Variants in C6 observed in about 807,000 individuals in gnomAD.
C6 encodes the protein complement component C6.
In C6, 101 loss-of-function variants were observed where a neutral mutation model predicts 112.9. The ratio of observed to expected loss-of-function variants is 0.89; its 90% CI spans 0.76 to 1.06. The LOEUF (loss-of-function observed/expected upper bound fraction) is 1.06. Among genes scored for constraint, C6 ranks in the 50% least tolerant of loss-of-function variants. The pLI is 0.00. For synonymous variants in C6, 431 were observed against 384.1 expected, an observed-to-expected ratio of 1.12 and a Z score of -1.43; for missense variants, 1,202 against 1,104.6, an observed-to-expected ratio of 1.09 and a Z score of -1.25.
At chr5:41,157,678 C>A (rs547091613) in intron 13 of C6, among the ~76,000 whole-genome samples, 1 of 152,080 alleles carries the variant, frequency 6.6e-6, no homozygotes, top group African/African-American at 2.4e-5. Context: ...ATCCATATTA[C>A]CTAGGAATGT....
chr5:41,154,135 GA>G (rs1746674791), intron 14 of C6, 137 bp from the exon 15 acceptor site: 3 of 724,738 alleles, frequency 4.1e-6, no homozygotes, highest in Non-Finnish European at 7.3e-6. Context: ...CTTTTGATCA[GA>G]AAACCTGGGG....
chr5:41,214,086 G>T (rs557316561), upstream of C6, among the ~76,000 whole-genome samples: 5 of 152,088 alleles, frequency 3.3e-5, no homozygotes, highest in South Asian at 8.3e-4. Flanking sequence ...GAAGTAAAAT[G>T]GATTTCATCC....
chr5:41,258,773 T>C (rs1741868365), intron 1 of C6, among the ~76,000 whole-genome samples: 1 of 152,084 alleles, frequency 6.6e-6, no homozygotes, highest in Non-Finnish European at 1.5e-5. Context: ...AAATTAACAA[T>C]CATGGCGGAA....
intron 6 of C6, among the ~76,000 whole-genome samples, chr5:41,185,050 G>A (rs1749663000): frequency 6.6e-6 from 1 of 152,114 alleles, no homozygotes; most frequent in Non-Finnish European, 1.5e-5. Flanking sequence ...TTGTGGATTG[G>A]TTGTTTTGGA....
At chr5:41,193,782 C>T (rs1750396891) in intron 5 of C6, among the ~76,000 whole-genome samples, 1 of 148,288 alleles carries the variant, frequency 6.7e-6, no homozygotes, top group African/African-American at 2.5e-5. Context: ...GAAGGTCAGC[C>T]ACTCAGGAAG....
At chr5:41,210,656 A>C (rs1469853717) in intron 1 of C6, among the ~76,000 whole-genome samples, 1 of 152,208 alleles carries the variant, frequency 6.6e-6, no homozygotes, top group Non-Finnish European at 1.5e-5. Flanking sequence ...ATCGCTGGCC[A>C]TCAGAGAAAT....
chr5:41,236,399 A>C (rs1372265424), intron 1 of C6, among the ~76,000 whole-genome samples: 1 of 151,628 alleles, frequency 6.6e-6, no homozygotes, highest in Non-Finnish European at 1.5e-5. Flanking sequence ...GATATGCGGC[A>C]TTATTTCTCA....
In C6 at chr5:41,176,493, C is replaced by T. The variant is rs747006462; in HGVS notation, c.1150G>A (p.Glu384Lys). The change falls in exon 8 of 18, where the codon GAG (glutamate) becomes AAG (lysine). Residue 384 changes from glutamate (E) to lysine (K), a missense_variant. By Grantham distance (56) the Glu-to-Lys change is moderately conservative. Transcript: ENST00000337836. ...VYDLLYQFSSEELKNSGLTEE... is the reference protein window; with the variant it reads ...VYDLLYQFSSKELKNSGLTEE... ...AAGTTACCTGAGTTCTTTAGTTCCTCACTGCTAAACTGATAGAGAAGGTCA... is the reference window on the plus strand; with the variant it reads ...AAGTTACCTGAGTTCTTTAGTTCCTTACTGCTAAACTGATAGAGAAGGTCA... The T allele has an allele frequency of 6.2e-7, 1 of 1,613,314 alleles. No individual in the cohort carries two copies. The highest frequency in any genetic ancestry group is 8.5e-7 in the Non-Finnish European group (1 of 1,179,522).
Position 41,155,033 on chromosome 5 carries a change from T to C in C6, c.2040A>G (p.Gly680=). ...ISCLTGFETV[G]YQYFRCLPDG... ...CTGGTAAGCATCTGAAGTACTGGTA[T>C]CCAACAGTTTCAAAGCCAGTAAGGC... Residue 680 remains glycine, a synonymous_variant, in exon 14 of 18, where the codon GGA becomes GGG. Coordinates refer to ENST00000337836, the MANE Select transcript of C6 (RefSeq NM_000065.5). 1 of 1,613,458 alleles carries C rather than the reference T, an allele frequency of 6.2e-7. No individual in the cohort carries two copies. The highest frequency in any genetic ancestry group is 8.5e-7 in the Non-Finnish European group (1 of 1,179,428).
Position 41,172,340 on chromosome 5 carries a change from G to A in C6, c.1176C>T (p.Thr392=), listed in dbSNP as rs199976299. 6.5e-5 allele frequency: 105 copies of A among 1,613,370 alleles called. No individual in the cohort carries two copies. The highest frequency in any genetic ancestry group is 8.4e-5 in the Non-Finnish European group (99 of 1,179,668). Residue 392 remains threonine (T), a synonymous_variant, in exon 9 of 18, where the codon ACC becomes ACT. Transcript: ENST00000337836. ...TGACACAGTGTTTGGCTTCTTCCTC[G>A]GTTAAACCTAGGAGATGAAGTACAA... ...SSEELKNSGL[T]EEEAKHCVRI...
intron 17 of C6, among the ~76,000 whole-genome samples, chr5:41,146,428 T>C (rs1745831735): frequency 1.3e-5 from 2 of 152,212 alleles, no homozygotes; most frequent in Admixed American, 1.3e-4. Context: ...ATTACTAATA[T>C]TCCAACTTCC....
intron 1 of C6, among the ~76,000 whole-genome samples, chr5:41,225,435 T>C (rs1739428555): frequency 1.3e-5 from 2 of 152,218 alleles, no homozygotes; most frequent in South Asian, 4.1e-4. Context: ...CCATGGTGTA[T>C]ATGTGCCACA....
intron 13 of C6, among the ~76,000 whole-genome samples, chr5:41,156,547 C>T (rs1008952227): frequency 2.0e-5 from 3 of 152,076 alleles, no homozygotes; most frequent in Non-Finnish European, 4.4e-5. Context: ...CTGAGAGGGG[C>T]AAGAGTACCA....
At position 41,172,317 on chromosome 5, in the gene C6, A is replaced by G; in HGVS notation, c.1199T>C (p.Val400Ala). ...AACGCGTTTCTTTGTTTCAATCCTG[A>G]CACAGTGTTTGGCTTCTTCCTCGGT... ...GLTEEEAKHCVRIETKKRVLF... is the reference protein window; with the variant it reads ...GLTEEEAKHCARIETKKRVLF... Residue 400 changes from valine (V) to alanine (A), a missense_variant, in exon 9 of 18, where the codon GTC becomes GCC. Val to Ala is a moderately conservative substitution (Grantham distance 64, BLOSUM62 0). Coordinates refer to ENST00000337836, the MANE Select transcript of C6 (RefSeq NM_000065.5). 6.2e-7 allele frequency: 1 copy of G among 1,613,686 alleles called. No individual in the cohort carries two copies. The highest frequency in any genetic ancestry group is 8.5e-7 in the Non-Finnish European group (1 of 1,179,760).
chr5:41,156,558 A>G (rs1221248726), intron 13 of C6, among the ~76,000 whole-genome samples: 1 of 152,182 alleles, frequency 6.6e-6, no homozygotes, highest in African/African-American at 2.4e-5. Flanking sequence ...AAGAGTACCA[A>G]GAATTGACTA....
chr5:41,261,342 T>A, exon 1 of C6: 1 of 314,180 alleles, frequency 3.2e-6, no homozygotes, highest in South Asian at 1.2e-4. Flanking sequence ...CATCTCTCTT[T>A]AAAAGTATTT....
At chr5:41,185,710 C>G (rs572389342) in intron 6 of C6, among the ~76,000 whole-genome samples, 1 of 152,082 alleles carries the variant, frequency 6.6e-6, no homozygotes, top group South Asian at 2.1e-4. Context: ...AGAGCACTAC[C>G]TAGGTTAGGA....
At chr5:41,161,371 A>G (rs1747482030) in intron 10 of C6, among the ~76,000 whole-genome samples, 1 of 152,154 alleles carries the variant, frequency 6.6e-6, no homozygotes, top group Non-Finnish European at 1.5e-5. Context: ...AAGAACACAG[A>G]AACCAGATTT....
At position 41,186,101 on chromosome 5, in the gene C6, A is replaced by C. The variant is rs779793781; in HGVS notation, c.695T>G (p.Val232Gly). ...GCCGACATTTTCCAGATTGGCCGGAACACGGTATGGATTACTTGTCCTACT... is the reference window on the plus strand; with the variant it reads ...GCCGACATTTTCCAGATTGGCCGGACCACGGTATGGATTACTTGTCCTACT... ...KSSRTSNPYR[V>G]PANLENVGFE... The change falls in exon 6 of 18, where the codon GTT becomes GGT. Residue 232 changes from valine to glycine, a missense_variant. Physicochemically the swap from Val to Gly is moderately radical, Grantham distance 109. Coordinates refer to ENST00000337836, the MANE Select transcript of C6 (RefSeq NM_000065.5). 9.9e-6 allele frequency: 16 copies of C among 1,613,924 alleles called. No individual in the cohort carries two copies. The highest frequency in any genetic ancestry group is 5.1e-6 in the Non-Finnish European group (6 of 1,179,956).
Sources: allele counts gnomAD v4.1 joint callset (sites outside exome capture counted in the v4.1 genomes callset), GRCh38; gene constraint gnomAD v4.1.1; transcripts MANE v1.5; gene names NCBI Gene and HGNC (gene_info 2026-07-23, HGNC 2026-07-21).